Variants in PDGFRL observed in about 807,000 individuals in gnomAD.
PDGFRL encodes platelet-derived growth factor receptor-like protein.
A neutral mutation model predicts 37.2 loss-of-function variants in PDGFRL; 46 were observed. That is an observed-to-expected ratio of 1.24 (90% CI 0.98 to 1.58). PDGFRL has a LOEUF of 1.58. Ranked by LOEUF, PDGFRL falls within the 40% of genes most tolerant of loss-of-function variation. The pLI, the probability that PDGFRL is intolerant of heterozygous loss-of-function variation, is 0.00. For synonymous variants in PDGFRL, 251 were observed against 184.3 expected (o/e 1.36, Z -2.93); for missense variants, 692 against 467.6 (o/e 1.48, Z -4.43).
chr8:17,612,485 C>G (rs887818210), intron 2 of PDGFRL, among the ~76,000 whole-genome samples: 3 of 152,148 alleles, frequency 2.0e-5, no homozygotes, highest in Non-Finnish European at 4.4e-5. Flanking sequence ...ATTCTCCTGC[C>G]TCAGCCTTCT....
At chr8:17,641,982 C>T (rs997962870) in intron 5 of PDGFRL, among the ~76,000 whole-genome samples, 10 of 136,682 alleles carry the variant, frequency 7.3e-5, no homozygotes, top group Non-Finnish European at 1.1e-4. Context: ...TCAGAAAATA[C>T]TATGTTCTTA....
intron 2 of PDGFRL, among the ~76,000 whole-genome samples, chr8:17,604,704 A>G (rs568949347): frequency 3.0e-4 from 45 of 152,320 alleles, no homozygotes; most frequent in African/African-American, 1.1e-3. Flanking sequence ...CCTGCACGTC[A>G]TGCACATGTA....
rs140821795 is a variant in PDGFRL at position 17,589,756 on chromosome 8, C to T, written c.344C>T (p.Ser115Phe). 4.4e-6 allele frequency: 7 copies of T among 1,596,306 alleles called. No individual in the cohort carries two copies. The African/African-American group carries it at 9.4e-5, about 21-fold the overall frequency. ...YPAYLDTFKD[S>F]RLSVKQNERY... ...GCGTATCTGGACACCTTTAAGGATT[C>T]TCGCCTCAGGTAAGCATTTTTTTTT... The change falls in exon 2 of 6, where the codon TCT becomes TTT. Residue 115 changes from serine to phenylalanine, a missense_variant. Coordinates refer to ENST00000251630, the MANE Select transcript of PDGFRL (RefSeq NM_001372073.1).
chr8:17,590,661 G>A (rs1029342423), intron 2 of PDGFRL, among the ~76,000 whole-genome samples: 1 of 151,562 alleles, frequency 6.6e-6, no homozygotes, highest in Non-Finnish European at 1.5e-5. Context: ...ACAGTGAGCC[G>A]AGTTCGTACC....
intron 2 of PDGFRL, among the ~76,000 whole-genome samples, chr8:17,607,333 T>C (rs1163642438): frequency 2.0e-5 from 3 of 152,170 alleles, no homozygotes; most frequent in Admixed American, 1.3e-4. Flanking sequence ...GCACGTTCTA[T>C]AGTTTTGGGG....
chr8:17,627,989 C>CTTTTTTT (rs35707610), intron 3 of PDGFRL, among the ~76,000 whole-genome samples: 42 of 89,202 alleles, frequency 4.7e-4, no homozygotes, highest in South Asian at 1.3e-3. Flanking sequence ...TTCTTTCTTT[C>CTTTTTTT]TTTTTTTTTT....
intron 1 of PDGFRL, among the ~76,000 whole-genome samples, chr8:17,578,136 T>C (rs916218001): frequency 6.6e-6 from 1 of 152,142 alleles, no homozygotes; most frequent in Admixed American, 6.5e-5. Flanking sequence ...ATTCACTCCA[T>C]GGGTGTTATT....
At chr8:17,577,171 C>A, upstream of PDGFRL, 1 of 1,551,022 alleles carries the variant, frequency 6.4e-7, no homozygotes, top group Non-Finnish European at 8.7e-7. Context: ...CCCAGGAGCC[C>A]GCCCCTCGCC....
At chr8:17,636,380 T>TC (rs1804969778) in intron 5 of PDGFRL, among the ~76,000 whole-genome samples, 1 of 152,218 alleles carries the variant, frequency 6.6e-6, no homozygotes, top group Non-Finnish European at 1.5e-5. Flanking sequence ...GGGTGTCCTT[T>TC]CCCCATTTTA....
At chr8:17,611,862 TGA>T (rs892181678) in intron 2 of PDGFRL, among the ~76,000 whole-genome samples, 2 of 152,032 alleles carry the variant, frequency 1.3e-5, no homozygotes, top group Admixed American at 1.3e-4. Flanking sequence ...AGAGGAGAAA[TGA>T]GAGAGTCAAT....
Position 17,629,071 on chromosome 8 carries a change from C to A in PDGFRL, c.799+291C>A, listed in dbSNP as rs141454972. On this transcript the variant is annotated intron_variant, in intron 4 of 5. Coordinates refer to ENST00000251630, the MANE Select transcript of PDGFRL (RefSeq NM_001372073.1). ...TAGCTGGAACCACAGGTATGAGCCA[C>A]CATGCCCTGCTAACTTTTTTTTTTT... Among the ~76,000 whole-genome samples, 911 of 150,554 alleles carry A rather than the reference C, an allele frequency of 6.1e-3. 4 individuals are homozygous for A. Among genetic ancestry groups the A allele is most frequent in the Middle Eastern group, 0.01 (3 of 292 alleles).
At chr8:17,636,941 T>G (rs916835264) in intron 5 of PDGFRL, among the ~76,000 whole-genome samples, 1 of 152,226 alleles carries the variant, frequency 6.6e-6, no homozygotes, top group Non-Finnish European at 1.5e-5. Context: ...ATAGCAGAGC[T>G]ACTGATTTGT....
intron 4 of PDGFRL, among the ~76,000 whole-genome samples, chr8:17,630,325 T>A (rs1395608335): frequency 2.0e-5 from 3 of 152,192 alleles, no homozygotes; most frequent in African/African-American, 7.2e-5. Flanking sequence ...GCCATTTTAG[T>A]GAGGAGTTTC....
intron 1 of PDGFRL, among the ~76,000 whole-genome samples, chr8:17,579,190 C>T (rs553287395): frequency 4.7e-4 from 71 of 152,224 alleles, no homozygotes; most frequent in Non-Finnish European, 9.1e-4. Flanking sequence ...AGTGAGACTC[C>T]ATCTCAAGAA....
chr8:17,596,188 A>G (rs1804048320), intron 2 of PDGFRL: 1 of 424,680 alleles, frequency 2.4e-6, no homozygotes, highest in East Asian at 3.6e-5. Context: ...AGGAGCCCAC[A>G]TTCAATCCAA....
chr8:17,605,732 T>C (rs1240470441), intron 2 of PDGFRL, among the ~76,000 whole-genome samples: 2 of 152,228 alleles, frequency 1.3e-5, no homozygotes, highest in Non-Finnish European at 2.9e-5. Flanking sequence ...CTGGTCCTGC[T>C]CCCTAGGAAA....
intron 3 of PDGFRL, among the ~76,000 whole-genome samples, chr8:17,621,726 G>T (rs540157128): frequency 6.6e-6 from 1 of 152,318 alleles, no homozygotes; most frequent in Admixed American, 6.5e-5. Context: ...CTATTGGACA[G>T]TGCTGCTGTT....
chr8:17,583,217 G>A (rs1803745332), intron 1 of PDGFRL, among the ~76,000 whole-genome samples: 1 of 152,132 alleles, frequency 6.6e-6, no homozygotes, highest in Non-Finnish European at 1.5e-5. Context: ...CTAACACAGA[G>A]AGTCCCTACC....
At chr8:17,638,788 A>ATAT (rs1805033295) in intron 5 of PDGFRL, among the ~76,000 whole-genome samples, 34 of 71,570 alleles carry the variant, frequency 4.8e-4, no homozygotes, top group Non-Finnish European at 6.4e-4. Flanking sequence ...TATATATATA[A>ATAT]TTGTGATATT....
Sources: allele counts gnomAD v4.1 joint callset (sites outside exome capture counted in the v4.1 genomes callset), GRCh38; gene constraint gnomAD v4.1.1; transcripts MANE v1.5; gene names NCBI Gene and HGNC (gene_info 2026-07-23, HGNC 2026-07-21).